GRIK5: variants seen among roughly 807,000 people sequenced by gnomAD.
GRIK5 encodes glutamate receptor ionotropic, kainate 5.
In GRIK5, 43 loss-of-function variants were observed where a neutral mutation model predicts 97.4. The observed-to-expected ratio is 0.44, with a 90% CI of 0.35 to 0.57. The LOEUF is 0.57. Ranked by LOEUF, GRIK5 falls within the 20% of genes least tolerant of loss-of-function variation. The probability of loss-of-function intolerance (pLI) is 0.01; values close to 1 mark genes in which losing one functional copy is unlikely to be tolerated. For synonymous variants in GRIK5, 580 were observed against 583.5 expected (o/e 0.99, Z 0.09); for missense variants, 1,015 against 1,382.0 (o/e 0.73, Z 4.21).
intron 17 of GRIK5, among the ~76,000 whole-genome samples, 195 bp downstream of exon 17, chr19:42,005,528 G>A (rs1358259559): frequency 6.6e-6 from 1 of 152,218 alleles, no homozygotes; most frequent in Non-Finnish European, 1.5e-5. Context: ...CTGGATTGCT[G>A]CTAGGCCTGG....
At chr19:42,048,076 C>T (rs2076066038) in intron 11 of GRIK5, among the ~76,000 whole-genome samples, 1 of 151,064 alleles carries the variant, frequency 6.6e-6, no homozygotes, top group South Asian at 2.1e-4. Context: ...ATGTAAAAGG[C>T]AAAATTATTA....
intron 8 of GRIK5, 38 bp downstream of exon 8, chr19:42,056,622 CAG>C (rs753879669): frequency 6.9e-6 from 11 of 1,586,208 alleles, no homozygotes; most frequent in Non-Finnish European, 8.6e-6. Context: ...AGTATCTGTG[CAG>C]AGTGTTTCTG....
At chr19:42,056,888 G>A (rs1187997262) in intron 7 of GRIK5, 37 bp downstream of exon 7, 1 of 1,610,626 alleles carries the variant, frequency 6.2e-7, no homozygotes, top group Non-Finnish European at 8.5e-7. Context: ...TGATGGGAAG[G>A]AAGTGGGGGC....
intron 15 of GRIK5, among the ~76,000 whole-genome samples, chr19:42,011,682 A>T (rs2075564538): frequency 6.6e-6 from 1 of 152,106 alleles, no homozygotes. Context: ...GAATCTTGAA[A>T]ATCCCAACAG....
intron 11 of GRIK5, among the ~76,000 whole-genome samples, chr19:42,051,490 G>T (rs1209324393): frequency 6.6e-6 from 1 of 152,164 alleles, no homozygotes; most frequent in Admixed American, 6.5e-5. Flanking sequence ...CCAAGGTAAA[G>T]CACAGGACAA....
Position 42,011,116 on chromosome 19 carries a change from AACAC to A in GRIK5, c.1872-4310_1872-4307del, listed in dbSNP as rs112305468. 6.3e-3 allele frequency among the ~76,000 whole-genome samples: 916 copies of A among 146,548 alleles called. 8 individuals are homozygous for A. The highest frequency in any genetic ancestry group is 0.021 in the African/African-American group (851 of 39,998). ...GCACCACACCCAGCATTTACTATCTAACACACACACACACACACACACACACCCC... is the reference window on the plus strand; with the variant it reads ...GCACCACACCCAGCATTTACTATCTAACACACACACACACACACACACCCC... On this transcript the variant is annotated intron_variant, in intron 15 of 19. Coordinates refer to ENST00000593562, the MANE Select transcript of GRIK5 (RefSeq NM_002088.5).
At chr19:42,014,230 C>T (rs1378348510) in intron 15 of GRIK5, among the ~76,000 whole-genome samples, 1 of 151,554 alleles carries the variant, frequency 6.6e-6, no homozygotes, top group Non-Finnish European at 1.5e-5. Flanking sequence ...CCCATCTCTA[C>T]TAAAATACAA....
At chr19:42,041,058 C>T (rs76538654) in intron 12 of GRIK5, among the ~76,000 whole-genome samples, 114 of 152,230 alleles carry the variant, frequency 7.5e-4, no homozygotes, top group Non-Finnish European at 1.1e-3. Flanking sequence ...TGCTCTTGCC[C>T]AGGGTTCTGA....
At position 42,021,817 on chromosome 19, in the gene GRIK5, G is replaced by T; in HGVS notation, c.1697+130C>A. 1 of 640,454 alleles carries T rather than the reference G, an allele frequency of 1.6e-6. No homozygotes were observed. The allele number at this position is 640,454 out of a possible 1,614,324, so 39.7% of individuals were successfully genotyped here. A position where few individuals can be genotyped will look rare whatever the true frequency, so the allele number is the denominator to read the frequency against. On this transcript the variant is annotated intron_variant, in intron 14 of 19. Transcript: ENST00000593562. This position sits in a 1 kb window ranked among gnomAD's most constrained non-coding sequence, Gnocchi z 4.2. ...CACAGGGCACAAAACTGAGAAAGGA[G>T]GGCACAGGGAATCCGAGGCCCCAAA...
intron 12 of GRIK5, among the ~76,000 whole-genome samples, chr19:42,036,424 C>T (rs2075906146): frequency 6.6e-6 from 1 of 152,068 alleles, no homozygotes; most frequent in Admixed American, 6.6e-5. Flanking sequence ...GCAATCATGG[C>T]TCACTGCAGC....
At chr19:42,008,390 G>T (rs1310957975) in intron 15 of GRIK5, among the ~76,000 whole-genome samples, 2 of 152,146 alleles carry the variant, frequency 1.3e-5, no homozygotes, top group Non-Finnish European at 2.9e-5. Context: ...ATTTTAGGAG[G>T]CTGAGGTGGG....
rs377024926 is a variant in GRIK5 at position 42,065,412 on chromosome 19, C to T, written c.80-25G>A. ...GCTGAGGGGACACATGGGTTGGGGACCAGACTCCTGAGTCCTGAGGAAGGA... is the reference window on the plus strand; with the variant it reads ...GCTGAGGGGACACATGGGTTGGGGATCAGACTCCTGAGTCCTGAGGAAGGA... On this transcript the variant is annotated intron_variant, in intron 2 of 19. Coordinates refer to ENST00000593562, the MANE Select transcript of GRIK5 (RefSeq NM_002088.5). The surrounding 1 kb of genome is among the most constrained non-coding windows in gnomAD (Gnocchi z 5.8). 3.2e-6 allele frequency: 5 copies of T among 1,559,854 alleles called. No individual in the cohort carries two copies. The Admixed American group carries it at 7.0e-5, about 22-fold the overall frequency.
In GRIK5 at chr19:42,070,054, C is replaced by T. The variant is rs1309412229; in HGVS notation, c.-864G>A. On this transcript the variant is annotated 5_prime_UTR_variant, in exon 1 of 20. Transcript: ENST00000593562. ...AGTGGGAGGGCCTGGCGACACACTC[C>T]TGGTCCCCTGTGAGGAGCCGGCTCC... Among the ~76,000 whole-genome samples, 1 of 152,108 alleles carries T rather than the reference C, an allele frequency of 6.6e-6. No homozygotes were observed. The highest frequency in any genetic ancestry group is 6.5e-5 in the Admixed American group (1 of 15,286).
chr19:42,057,596 C>A (rs1484825751), intron 6 of GRIK5, among the ~76,000 whole-genome samples: 1 of 151,978 alleles, frequency 6.6e-6, no homozygotes. Flanking sequence ...AAGCTCCTGG[C>A]CTCAAGCAAT....
intron 19 of GRIK5, chr19:42,001,925 T>G: frequency 1.7e-6 from 1 of 590,152 alleles, no homozygotes; most frequent in East Asian, 2.8e-5. Flanking sequence ...AGAGAAGCAG[T>G]CTAAGGACTG....
chr19:42,008,335 A>G (rs2075518935), intron 15 of GRIK5, among the ~76,000 whole-genome samples: 1 of 152,088 alleles, frequency 6.6e-6, no homozygotes, highest in South Asian at 2.1e-4. Context: ...AATTTTTTAA[A>G]AAAATACCAG....
At chr19:42,019,671 G>A (rs1400138302) in intron 15 of GRIK5, among the ~76,000 whole-genome samples, 1 of 152,226 alleles carries the variant, frequency 6.6e-6, no homozygotes. Context: ...GTCCTTAGGA[G>A]TGGAAGAAGG....
chr19:42,010,560 C>A (rs2075549490), intron 15 of GRIK5, among the ~76,000 whole-genome samples: 1 of 152,144 alleles, frequency 6.6e-6, no homozygotes, highest in Non-Finnish European at 1.5e-5. Flanking sequence ...CCTAGAATTC[C>A]ACAGCAGGCA....
At chr19:42,054,065 A>C in intron 9 of GRIK5, 136 bp from the exon 10 acceptor site, 1 of 670,304 alleles carries the variant, frequency 1.5e-6, no homozygotes, top group South Asian at 1.8e-5. Flanking sequence ...GAGAAGAGGA[A>C]GATCACAGTC....
Sources: gnomAD v4.1 joint callset for allele counts (sites outside exome capture counted in the v4.1 genomes callset) on GRCh38, gnomAD v4.1.1 for gene constraint, Gnocchi (gnomAD v3.1) non-coding constraint, MANE v1.5 for transcripts, NCBI Gene and HGNC (gene_info 2026-07-23, HGNC 2026-07-21) for gene names.